The following ZCCHC4 variants were observed in gnomAD, a reference collection of about 807,000 sequenced individuals.
ZCCHC4 encodes zinc finger CCHC-type containing 4.
In ZCCHC4, 54 loss-of-function variants were observed where a neutral mutation model predicts 67.7. The ratio of observed to expected loss-of-function variants is 0.80; its 90% CI spans 0.64 to 1.00. The LOEUF is 1.00. Among genes scored for constraint, ZCCHC4 ranks in the 50% least tolerant of loss-of-function variants. The probability of loss-of-function intolerance (pLI) is 0.00; values close to 1 mark genes in which losing one functional copy is unlikely to be tolerated. For missense variants in ZCCHC4, 609 were observed against 617.0 expected (o/e 0.99, Z 0.14); for synonymous variants, 198 against 213.5 (o/e 0.93, Z 0.63).
intron 8 of ZCCHC4, among the ~76,000 whole-genome samples, chr4:25,356,519 A>T (rs1481005459): frequency 1.3e-5 from 2 of 151,992 alleles, no homozygotes; most frequent in Non-Finnish European, 2.9e-5. Context: ...TGACACATAC[A>T]TTCGCTGACT....
intron 8 of ZCCHC4, among the ~76,000 whole-genome samples, chr4:25,354,091 T>TA (rs1720419685): frequency 6.6e-6 from 1 of 152,200 alleles, no homozygotes; most frequent in Non-Finnish European, 1.5e-5. Context: ...AGAAAACTGT[T>TA]ACATCCATAT....
intron 6 of ZCCHC4, among the ~76,000 whole-genome samples, chr4:25,346,928 G>T (rs572121699): frequency 6.6e-6 from 1 of 152,196 alleles, no homozygotes; most frequent in Non-Finnish European, 1.5e-5. Flanking sequence ...AGGCATTCAC[G>T]GAAGCAGTGA....
At chr4:25,335,312 G>A (rs1719401545) in intron 5 of ZCCHC4, among the ~76,000 whole-genome samples, 1 of 152,154 alleles carries the variant, frequency 6.6e-6, no homozygotes, top group African/African-American at 2.4e-5. Flanking sequence ...GCTGGACATG[G>A]TGGCTCATGC....
chr4:25,353,060 TTATAAG>T (rs1205203792), intron 8 of ZCCHC4, among the ~76,000 whole-genome samples: 2 of 152,220 alleles, frequency 1.3e-5, no homozygotes, highest in African/African-American at 4.8e-5. Flanking sequence ...TCATTATGTC[TTATAAG>T]TATACATTTT....
At chr4:25,366,184 A>T in intron 12 of ZCCHC4, 1 of 981,594 alleles carries the variant, frequency 1.0e-6, no homozygotes, top group Non-Finnish European at 1.2e-6. Context: ...TGGTCTAGCC[A>T]CTTGAATTCT....
At chr4:25,318,198 A>C (rs1228002821) in intron 3 of ZCCHC4, among the ~76,000 whole-genome samples, 2 of 152,098 alleles carry the variant, frequency 1.3e-5, no homozygotes, top group African/African-American at 2.4e-5. Context: ...TTCTGTCCTT[A>C]ACACTTTTAT....
chr4:25,344,642 TAAAAC>T (rs1172451718), intron 5 of ZCCHC4, among the ~76,000 whole-genome samples: 3 of 151,608 alleles, frequency 2.0e-5, no homozygotes, highest in Non-Finnish European at 4.4e-5. Context: ...TAAAATAAAA[TAAAAC>T]ACTGTGTTAG....
chr4:25,364,304 A>G, intron 10 of ZCCHC4, 150 bp from the exon 11 acceptor site: 1 of 517,890 alleles, frequency 1.9e-6, no homozygotes, highest in Non-Finnish European at 3.1e-6. Context: ...AATTAAAATC[A>G]AAGTATCTAA....
Position 25,359,591 on chromosome 4 carries a change from A to G in ZCCHC4, c.1012-2268A>G, listed in dbSNP as rs774334535. Among the ~76,000 whole-genome samples, 9 of 152,192 alleles carry G rather than the reference A, an allele frequency of 5.9e-5. No homozygotes were observed. Among genetic ancestry groups the G allele is most frequent in the South Asian group, 2.1e-4 (1 of 4,828 alleles). The stretch of plus-strand genomic sequence containing the variant: ...TGCCCCACCTGCAGGGGTGCCCCCA[A>G]TGGGAGAAAAGGGGGTCCCAATGAG... On this transcript the variant is annotated intron_variant, in intron 8 of 12. Transcript: ENST00000302874. This position sits in a 1 kb window ranked among gnomAD's most constrained non-coding sequence, Gnocchi z 4.9.
rs1349206543 is a variant in ZCCHC4, at chr4:25,318,420, GATCTC to G, written c.329+3027_329+3031del. On this transcript the variant is annotated intron_variant, in intron 3 of 12. Coordinates refer to ENST00000302874, the MANE Select transcript of ZCCHC4 (RefSeq NM_024936.3). ...CGCCCAGGCTAGAGGGCAGTGGCGC[GATCTC>G]ATCTCACTGCCACCTCCACGTCCTG... Among the ~76,000 whole-genome samples, 17 of 129,944 alleles carry G rather than the reference GATCTC, an allele frequency of 1.3e-4. No individual in the cohort carries two copies. The East Asian group carries it at 4.2e-3, about 32-fold the overall frequency. The allele number at this position is 129,944 out of a possible 152,430, so 85.2% of individuals were successfully genotyped here. A position where few individuals can be genotyped will look rare whatever the true frequency, so the allele number is the denominator to read the frequency against.
chr4:25,324,401 C>T (rs896300352), intron 3 of ZCCHC4, among the ~76,000 whole-genome samples: 1 of 152,186 alleles, frequency 6.6e-6, no homozygotes, highest in Non-Finnish European at 1.5e-5. Flanking sequence ...TGTTTGTCAA[C>T]AGTTCATTCC....
intron 7 of ZCCHC4, among the ~76,000 whole-genome samples, chr4:25,349,891 T>C (rs535435311): frequency 6.6e-6 from 1 of 152,186 alleles, no homozygotes; most frequent in Non-Finnish European, 1.5e-5. Context: ...AATGGGACAT[T>C]ATGCAGAACA....
At chr4:25,315,230 G>T in intron 2 of ZCCHC4, 88 bp from the exon 3 acceptor site, 1 of 1,188,014 alleles carries the variant, frequency 8.4e-7, no homozygotes, top group Non-Finnish European at 1.2e-6. Flanking sequence ...TTGAATTTCT[G>T]ACTTCTTGAT....
intron 3 of ZCCHC4, among the ~76,000 whole-genome samples, chr4:25,327,310 A>G (rs943950298): frequency 2.0e-5 from 3 of 152,080 alleles, no homozygotes; most frequent in African/African-American, 7.2e-5. Flanking sequence ...GGTGTTAGCA[A>G]TAGGTTTTTC....
Position 25,333,163 on chromosome 4 carries a change from T to A in ZCCHC4, c.330-20T>A. 1 of 1,595,530 alleles carries A rather than the reference T, an allele frequency of 6.3e-7. No individual in the cohort carries two copies. The highest frequency in any genetic ancestry group is 8.5e-7 in the Non-Finnish European group (1 of 1,170,154). The stretch of plus-strand genomic sequence containing the variant: ...AATAAACTTAAAATATATTTCTTTG[T>A]GTTTTATTTTGTCTTGAAGGTACTT... On this transcript the variant is annotated intron_variant, in intron 3 of 12. Coordinates refer to ENST00000302874, the MANE Select transcript of ZCCHC4 (RefSeq NM_024936.3).
At chr4:25,341,978 G>T (rs316782) in intron 5 of ZCCHC4, among the ~76,000 whole-genome samples, 126,337 of 152,274 alleles carry the variant, frequency 0.83, 52,760 homozygotes, top group African/African-American at 0.92. Context: ...TAAAGTTATT[G>T]TATAATGTAT....
At chr4:25,317,726 AG>A (rs370516618) in intron 3 of ZCCHC4, among the ~76,000 whole-genome samples, 36,079 of 120,410 alleles carry the variant, frequency 0.3, 7,596 homozygotes, top group Non-Finnish European at 0.44. Flanking sequence ...AAAAAAAAAA[AG>A]AAAGAAAAGA....
intron 8 of ZCCHC4, among the ~76,000 whole-genome samples, chr4:25,358,658 A>T (rs1720604029): frequency 1.3e-5 from 2 of 152,348 alleles, no homozygotes; most frequent in South Asian, 4.1e-4. Context: ...TTTAGTCAGG[A>T]GTAGGCCAAG....
intron 3 of ZCCHC4, among the ~76,000 whole-genome samples, chr4:25,324,014 G>GTTCTTTTTTTTTTTTTTTTTTTTTTTTT (rs1553895903): frequency 1.2e-5 from 1 of 82,430 alleles, no homozygotes; most frequent in Non-Finnish European, 2.1e-5. Context: ...TGTTTTTTGT[G>GTTCTTTTTTTTTTTTTTTTTTTTTTTTT]TTTTTTTTTT....
Sources: gnomAD v4.1 joint callset for allele counts (sites outside exome capture counted in the v4.1 genomes callset) on GRCh38, gnomAD v4.1.1 for gene constraint, Gnocchi (gnomAD v3.1) non-coding constraint, MANE v1.5 for transcripts, NCBI Gene and HGNC (gene_info 2026-07-23, HGNC 2026-07-21) for gene names.